Variants in VPS37C observed in about 807,000 individuals in gnomAD.
The protein encoded by VPS37C is VPS37C subunit of ESCRT-I.
A neutral mutation model predicts 16.1 loss-of-function variants in VPS37C; 9 were observed. The ratio of observed to expected loss-of-function variants is 0.56; its 90% CI spans 0.34 to 0.97. The LOEUF (loss-of-function observed/expected upper bound fraction) is 0.97. Among genes scored for constraint, VPS37C ranks in the 50% least tolerant of loss-of-function variants. The pLI, the probability that VPS37C is intolerant of heterozygous loss-of-function variation, is 0.02. For synonymous variants in VPS37C, 207 were observed against 206.4 expected (o/e 1.00, Z -0.02); for missense variants, 479 against 472.7 (o/e 1.01, Z -0.12).
chr11:61,157,416 T>A (rs1853394471), intron 1 of VPS37C, among the ~76,000 whole-genome samples: 1 of 63,520 alleles, frequency 1.6e-5, no homozygotes, highest in African/African-American at 1.7e-4. Context: ...ACTGTTGTTG[T>A]TTTTTTTCAA....
At chr11:61,153,533 G>A (rs1399354362) in intron 1 of VPS37C, among the ~76,000 whole-genome samples, 1 of 152,192 alleles carries the variant, frequency 6.6e-6, no homozygotes, top group Non-Finnish European at 1.5e-5. Flanking sequence ...TAATGTGGAG[G>A]GAGAGGCACT....
intron 1 of VPS37C, among the ~76,000 whole-genome samples, chr11:61,150,751 C>T (rs688607): frequency 0.74 from 112,586 of 151,600 alleles, 43,323 homozygotes; most frequent in East Asian, 1. Context: ...ACCAGCCCCT[C>T]CCCTGGTCCC....
intron 1 of VPS37C, among the ~76,000 whole-genome samples, chr11:61,148,690 A>G (rs1464705582): frequency 6.6e-6 from 1 of 151,974 alleles, no homozygotes; most frequent in East Asian, 1.9e-4. Flanking sequence ...CATGGAGAGG[A>G]AGGCGTTTTT....
chr11:61,139,587 G>A (rs747571430), intron 1 of VPS37C, among the ~76,000 whole-genome samples: 91 of 152,196 alleles, frequency 6.0e-4, no homozygotes, highest in African/African-American at 2.1e-3. Context: ...GCCATCGATT[G>A]TCTGTGTGGT....
rs746287465 is a variant in VPS37C at position 61,132,368 on chromosome 11, G to A, written c.520C>T (p.Arg174Cys). Residue 174 changes from arginine to cysteine, a missense_variant, in exon 5 of 5, where the codon CGT becomes TGT. Physicochemically the swap from Arg to Cys is radical, Grantham distance 180. Transcript: ENST00000301765. ...QELAGDAPPP[R>C]PPPPVRPVPQ... ...ACTGGGCGCACCGGGGGTGGTGGAC[G>A]GGGTGGAGGGGCATCGCCGGCCAGC... 4.9e-5 allele frequency: 79 copies of A among 1,599,558 alleles called. No homozygotes were observed. The highest frequency in any genetic ancestry group is 1.0e-4 in the South Asian group (9 of 89,416).
chr11:61,138,368 C>T (rs932837026), intron 2 of VPS37C: 2 of 192,418 alleles, frequency 1.0e-5, no homozygotes, highest in Admixed American at 1.0e-4. Flanking sequence ...AAGAATGGCT[C>T]CTAGAAGCCT....
intron 1 of VPS37C, among the ~76,000 whole-genome samples, chr11:61,150,503 A>T (rs1275648483): frequency 6.7e-6 from 1 of 148,834 alleles, no homozygotes; most frequent in East Asian, 2.0e-4. Context: ...TCCTCTGCCC[A>T]TTTGCCCAGT....
intron 2 of VPS37C, among the ~76,000 whole-genome samples, chr11:61,136,729 G>C (rs1590785474): frequency 6.6e-6 from 1 of 152,194 alleles, no homozygotes; most frequent in East Asian, 1.9e-4. Context: ...TACTCATACA[G>C]ATATATAGCT....
chr11:61,148,873 C>T (rs536077141), intron 1 of VPS37C, among the ~76,000 whole-genome samples: 1 of 152,344 alleles, frequency 6.6e-6, no homozygotes, highest in East Asian at 1.9e-4. Context: ...AGCTGGGAGT[C>T]CAGGCCTGTG....
chr11:61,133,026 C>T (rs772234633), intron 4 of VPS37C: 10 of 646,396 alleles, frequency 1.5e-5, no homozygotes, highest in East Asian at 2.9e-5. Flanking sequence ...TCCAGGGCTG[C>T]GAGCTGCCCT....
chr11:61,132,402 A>G lies in VPS37C; in HGVS notation c.486T>C (p.Ala162=). The change falls in exon 5 of 5, where the codon GCT becomes GCC. Residue 162 remains alanine, a synonymous_variant. Coordinates refer to ENST00000301765, the MANE Select transcript of VPS37C (RefSeq NM_017966.5). ...GGGCATCGCCGGCCAGCTCCTGGGA[A>G]GCCCTGGGCTTCCTCACCACTTCCT... ...KLQEVVRKPR[A]SQELAGDAPP... 6.2e-7 allele frequency: 1 copy of G among 1,607,350 alleles called. No individual in the cohort carries two copies. The highest frequency in any genetic ancestry group is 2.2e-5 in the East Asian group (1 of 44,650).
At chr11:61,141,421 G>T (rs1358439427) in intron 1 of VPS37C, among the ~76,000 whole-genome samples, 2 of 151,824 alleles carry the variant, frequency 1.3e-5, no homozygotes, top group Non-Finnish European at 2.9e-5. Context: ...AGCAGGGAAA[G>T]AGCAGCCTGC....
At chr11:61,133,951 A>T in intron 3 of VPS37C, 85 bp downstream of exon 3, 4 of 1,471,060 alleles carry the variant, frequency 2.7e-6, no homozygotes, top group Non-Finnish European at 3.6e-6. Flanking sequence ...AATATACATA[A>T]AGCACTTAGC....
At chr11:61,142,713 T>C (rs940694987) in intron 1 of VPS37C, among the ~76,000 whole-genome samples, 2 of 145,832 alleles carry the variant, frequency 1.4e-5, no homozygotes, top group African/African-American at 5.1e-5. Context: ...ACCTCATGGA[T>C]GGCCTGAAAG....
At chr11:61,148,565 T>C (rs933387081) in intron 1 of VPS37C, among the ~76,000 whole-genome samples, 2 of 131,228 alleles carry the variant, frequency 1.5e-5, no homozygotes, top group African/African-American at 6.2e-5. Context: ...TTTCCTGACT[T>C]CCCACAGGAG....
intron 1 of VPS37C, among the ~76,000 whole-genome samples, chr11:61,147,348 C>T (rs1054488891): frequency 5.3e-5 from 8 of 152,204 alleles, no homozygotes; most frequent in Non-Finnish European, 1.2e-4. Context: ...CCAACTGGCA[C>T]CTGTTGCTTT....
chr11:61,133,989 G>T (rs369686269), intron 3 of VPS37C, 47 bp downstream of exon 3: 1 of 1,579,312 alleles, frequency 6.3e-7, no homozygotes. Context: ...GTGGGCCTCC[G>T]TCCAACCCTG....
chr11:61,147,489 A>T (rs1853229664), intron 1 of VPS37C, among the ~76,000 whole-genome samples: 1 of 152,186 alleles, frequency 6.6e-6, no homozygotes, highest in Non-Finnish European at 1.5e-5. Context: ...AGGCAGCGCC[A>T]CGTCCCCAGC....
intron 1 of VPS37C, among the ~76,000 whole-genome samples, chr11:61,139,078 G>A (rs1861429844): frequency 6.6e-6 from 1 of 152,178 alleles, no homozygotes; most frequent in Non-Finnish European, 1.5e-5. Context: ...ATATGTGAAA[G>A]TACTTGCAGC....
Sources: allele counts gnomAD v4.1 joint callset (sites outside exome capture counted in the v4.1 genomes callset), GRCh38; gene constraint gnomAD v4.1.1; transcripts MANE v1.5; gene names NCBI Gene and HGNC (gene_info 2026-07-23, HGNC 2026-07-21).